Variants in DLGAP1 observed in about 807,000 individuals in gnomAD.
The protein encoded by DLGAP1 is disks large-associated protein 1.
DLGAP1 carries 11 observed loss-of-function variants against 90.8 expected under a neutral mutation model. The ratio of observed to expected loss-of-function variants is 0.12; its 90% CI spans 0.08 to 0.20. The LOEUF (loss-of-function observed/expected upper bound fraction) is 0.20. Ranked by LOEUF, DLGAP1 falls within the 10% of genes least tolerant of loss-of-function variation. The pLI, the probability that DLGAP1 is intolerant of heterozygous loss-of-function variation, is 1.00. For missense variants in DLGAP1, 1,050 were observed against 1,333.8 expected (o/e 0.79, Z 3.31); for synonymous variants, 558 against 540.7 (o/e 1.03, Z -0.44).
chr18:4,167,008 T>A (rs974949015), intron 1 of DLGAP1, among the ~76,000 whole-genome samples: 1 of 152,192 alleles, frequency 6.6e-6, no homozygotes, highest in Admixed American at 6.5e-5. Flanking sequence ...CACTTAATGA[T>A]GGTTAAAATG....
intron 7 of DLGAP1, among the ~76,000 whole-genome samples, chr18:3,714,612 G>C (rs1485045469): frequency 6.7e-6 from 1 of 148,794 alleles, no homozygotes; most frequent in Non-Finnish European, 1.5e-5. Context: ...CATACTAATA[G>C]GTTTAAAAGA....
chr18:4,449,994 G>A (rs747989462), intron 1 of DLGAP1, among the ~76,000 whole-genome samples: 1 of 152,112 alleles, frequency 6.6e-6, no homozygotes, highest in African/African-American at 2.4e-5. Context: ...AACTCTAAAC[G>A]GAAAGCACAT....
At chr18:3,634,470 A>G (rs867818357) in intron 7 of DLGAP1, among the ~76,000 whole-genome samples, 4 of 152,216 alleles carry the variant, frequency 2.6e-5, no homozygotes, top group Admixed American at 6.5e-5. Context: ...TTGACTCATC[A>G]CTGGTTGATC....
intron 1 of DLGAP1, among the ~76,000 whole-genome samples, chr18:4,324,919 G>C (rs555359160): frequency 2.6e-5 from 4 of 152,202 alleles, no homozygotes; most frequent in African/African-American, 9.6e-5. Flanking sequence ...ATACTGAATG[G>C]GCAAAAGCTG....
intron 4 of DLGAP1, among the ~76,000 whole-genome samples, chr18:3,836,713 C>T (rs1648200540): frequency 6.6e-6 from 1 of 152,210 alleles, no homozygotes; most frequent in African/African-American, 2.4e-5. Flanking sequence ...CTCAGCCACA[C>T]ATTTTTCCAT....
At chr18:3,981,208 C>T (rs1167030214) in intron 3 of DLGAP1, among the ~76,000 whole-genome samples, 1 of 152,222 alleles carries the variant, frequency 6.6e-6, no homozygotes, top group Non-Finnish European at 1.5e-5. Context: ...TTGATGAGAA[C>T]ACTCAGTTTT....
intron 3 of DLGAP1, among the ~76,000 whole-genome samples, chr18:3,970,713 G>A (rs138380454): frequency 1.3e-5 from 2 of 152,212 alleles, no homozygotes; most frequent in East Asian, 3.9e-4. Context: ...ACTAAATTTA[G>A]AATGAAGGAT....
intron 7 of DLGAP1, among the ~76,000 whole-genome samples, chr18:3,677,721 C>T (rs955869557): frequency 1.3e-5 from 2 of 151,782 alleles, no homozygotes; most frequent in Non-Finnish European, 2.9e-5. Context: ...TGCAATAGCA[C>T]GATCTTGGCT....
At chr18:3,846,772 C>T (rs1451069985) in intron 4 of DLGAP1, among the ~76,000 whole-genome samples, 1 of 152,058 alleles carries the variant, frequency 6.6e-6, no homozygotes, top group Non-Finnish European at 1.5e-5. Flanking sequence ...GAAAAGTAGA[C>T]TAGTGGTTGC....
intron 5 of DLGAP1, among the ~76,000 whole-genome samples, chr18:3,760,859 T>C (rs1273179091): frequency 6.6e-6 from 1 of 152,182 alleles, no homozygotes; most frequent in African/African-American, 2.4e-5. Context: ...GCATAAATAG[T>C]TTTACAGCGG....
rs182038178 is a variant in DLGAP1 at position 3,580,889 on chromosome 18, G to A, written c.1965+986C>T. ...CCGGTTGTACCCTGCAGTAGCGTCT[G>A]CCCTGAGCTGCCAGTGCTGGGTATC... On this transcript the variant is annotated intron_variant, in intron 8 of 12. Coordinates refer to ENST00000315677, the MANE Select transcript of DLGAP1 (RefSeq NM_004746.4). The A allele has an allele frequency of 4.7e-3, 4,069 of 872,322 alleles. 193 individuals are homozygous for A. The Admixed American group carries it at 0.082, about 18-fold the overall frequency. 54.0% of individuals were successfully genotyped at this position (872,322 alleles called of 1,614,324 possible). A position where few individuals can be genotyped will look rare whatever the true frequency, so the allele number is the denominator to read the frequency against.
chr18:4,356,092 CAGCAGGAAGTGCACCGT>C (rs2081507604), intron 1 of DLGAP1, among the ~76,000 whole-genome samples: 1 of 151,878 alleles, frequency 6.6e-6, no homozygotes, highest in African/African-American at 2.4e-5. Context: ...ACCGCCTTGA[CAGCAGGAAGTGCACCGT>C]AGTCAGTTGG....
chr18:4,091,880 C>T lies in DLGAP1; in HGVS notation c.-159+59300G>A, dbSNP rs180836657. Among the ~76,000 whole-genome samples the T allele has an allele frequency of 2.1e-4, 27 of 130,174 alleles. No individual in the cohort carries two copies. The East Asian group carries it at 5.4e-3, about 26-fold the overall frequency. 85.4% of individuals were successfully genotyped at this position (130,174 alleles called of 152,430 possible). A position where few individuals can be genotyped will look rare whatever the true frequency, so the allele number is the denominator to read the frequency against. On this transcript the variant is annotated intron_variant, in intron 2 of 12. Transcript: ENST00000315677. Reference sequence around the variant, plus strand: ...ATTTGAGTCTAGTTGATAATTTTGCCTCTTGATCATGTTTTTTTTTTTCCA... The same window carrying T: ...ATTTGAGTCTAGTTGATAATTTTGCTTCTTGATCATGTTTTTTTTTTTCCA...
intron 2 of DLGAP1, among the ~76,000 whole-genome samples, chr18:4,023,576 A>G (rs970323260): frequency 6.6e-6 from 1 of 152,222 alleles, no homozygotes; most frequent in Admixed American, 6.5e-5. Flanking sequence ...GATGTTTTGA[A>G]GGAGTCAGGC....
Position 3,508,214 on chromosome 18 carries a change from T to A in DLGAP1, c.2571+356A>T, listed in dbSNP as rs192269702. 6.6e-5 allele frequency among the ~76,000 whole-genome samples: 10 copies of A among 152,310 alleles called. No homozygotes were observed. In the East Asian group the frequency reaches 1.9e-3, roughly 29 times the overall value. Reference sequence around the variant, plus strand: ...AAGAAAATCACTATCCAAAATGATTTTTTTTGGGCAATATTATTTTTGAAA... The same window carrying A: ...AAGAAAATCACTATCCAAAATGATTATTTTTGGGCAATATTATTTTTGAAA... On this transcript the variant is annotated intron_variant, in intron 11 of 12. Transcript: ENST00000315677.
At chr18:4,306,019 C>T (rs1313585547) in intron 1 of DLGAP1, among the ~76,000 whole-genome samples, 1 of 99,160 alleles carries the variant, frequency 1.0e-5, no homozygotes, top group Non-Finnish European at 2.1e-5. Context: ...CACACACACA[C>T]AGACACACAC....
chr18:3,846,629 T>C (rs1404230859), intron 4 of DLGAP1, among the ~76,000 whole-genome samples: 1 of 151,916 alleles, frequency 6.6e-6, no homozygotes, highest in East Asian at 1.9e-4. Flanking sequence ...AGAAATGAAA[T>C]ATTGATACCT....
chr18:3,501,451 C>T (rs574389535), intron 12 of DLGAP1, among the ~76,000 whole-genome samples: 1 of 152,238 alleles, frequency 6.6e-6, no homozygotes, highest in Admixed American at 6.5e-5. Flanking sequence ...CACTACGACC[C>T]CCATTTTGAT....
At chr18:4,059,666 G>A (rs1220188078) in intron 2 of DLGAP1, among the ~76,000 whole-genome samples, 5 of 152,052 alleles carry the variant, frequency 3.3e-5, no homozygotes, top group Admixed American at 6.6e-5. Context: ...AGCCAAGATC[G>A]TGCCATTGTA....
Sources: allele counts gnomAD v4.1 joint callset (sites outside exome capture counted in the v4.1 genomes callset), GRCh38; gene constraint gnomAD v4.1.1; transcripts MANE v1.5; gene names NCBI Gene and HGNC (gene_info 2026-07-23, HGNC 2026-07-21).